MSTO1: variants seen among roughly 807,000 people sequenced by gnomAD.
MSTO1 encodes the protein protein misato homolog 1.
A neutral mutation model predicts 55.7 loss-of-function variants in MSTO1; 24 were observed. The observed-to-expected ratio is 0.43, with a 90% confidence interval of 0.31 to 0.61. MSTO1 has a LOEUF of 0.61. MSTO1 is among the 20% of genes least tolerant of loss of function. MSTO1 has a pLI of 0.09. For missense variants in MSTO1, 363 were observed against 625.7 expected (o/e 0.58, Z 4.48); for synonymous variants, 162 against 252.8 (o/e 0.64, Z 3.41).
the MSTO1 span, among the ~76,000 whole-genome samples, chr1:155,574,803 G>A: frequency 6.6e-6 from 1 of 151,514 alleles, no homozygotes; most frequent in African/African-American, 2.4e-5. Context: ...CCTGGTCTCC[G>A]AAAGTGCTGG....
At chr1:155,590,241 C>G in the MSTO1 span, among the ~76,000 whole-genome samples, 1 of 152,148 alleles carries the variant, frequency 6.6e-6, no homozygotes, top group African/African-American at 2.4e-5. Flanking sequence ...CTAGGGAAAC[C>G]CAGCCCCCAG....
the MSTO1 span, among the ~76,000 whole-genome samples, chr1:155,578,959 G>A: frequency 6.7e-6 from 1 of 149,134 alleles, no homozygotes; most frequent in African/African-American, 2.5e-5. Flanking sequence ...CACTGCACCC[G>A]GCCCATAACT....
In MSTO1 at chr1:155,613,780, G is replaced by A. The variant is rs777455710; in HGVS notation, c.1498+14G>A. 1 of 1,613,296 alleles carries A rather than the reference G, an allele frequency of 6.2e-7. No individual in the cohort carries two copies. The highest frequency in any genetic ancestry group is 8.5e-7 in the Non-Finnish European group (1 of 1,179,570). On this transcript the variant is annotated intron_variant, in intron 13 of 13. Coordinates refer to ENST00000245564, the MANE Select transcript of MSTO1 (RefSeq NM_018116.4). ...CCAAGGGAGCAGGTATGTAGGAGGT[G>A]AAGAAAACTGAGATTTCAAGTATGG...
intron 9 of MSTO1, 54 bp from the exon 10 acceptor site, chr1:155,612,790 A>G: frequency 6.2e-7 from 1 of 1,605,606 alleles, no homozygotes; most frequent in African/African-American, 1.3e-5. Context: ...TTCTGCCTCC[A>G]CACATTCTTT....
the MSTO1 span, among the ~76,000 whole-genome samples, chr1:155,584,569 G>A: frequency 2.0e-5 from 3 of 148,318 alleles, no homozygotes; most frequent in African/African-American, 7.4e-5. Flanking sequence ...TGCTTGGAAG[G>A]CTGAGGCAGG....
upstream of MSTO1, among the ~76,000 whole-genome samples, chr1:155,605,641 G>T (rs1321600842): frequency 6.6e-6 from 1 of 152,054 alleles, no homozygotes; most frequent in African/African-American, 2.4e-5. Context: ...CTACAAAAAA[G>T]GTTTAAAATC....
chr1:155,599,839 G>T, the MSTO1 span, among the ~76,000 whole-genome samples: 36 of 152,224 alleles, frequency 2.4e-4, no homozygotes, highest in Non-Finnish European at 2.2e-4. Flanking sequence ...AGGATTAAGT[G>T]CTGTGCTTTT....
rs765363273 is a variant in MSTO1, at chr1:155,612,409, C to A, written c.814-9C>A. ...AGCTGCTTAATACAAACTACTCTTT[C>A]TTCACCAGGAGGCCCAGAGAAACAT... is the stretch of plus-strand genomic sequence containing the variant. On this transcript the variant is annotated splice_polypyrimidine_tract_variant and intron_variant, in intron 8 of 13. Coordinates refer to ENST00000245564, the MANE Select transcript of MSTO1 (RefSeq NM_018116.4). 1.2e-6 allele frequency: 2 copies of A among 1,608,070 alleles called. No individual in the cohort carries two copies. The highest frequency in any genetic ancestry group is 2.7e-5 in the African/African-American group (2 of 74,682).
chr1:155,588,278 C>T, the MSTO1 span, among the ~76,000 whole-genome samples: 3 of 151,144 alleles, frequency 2.0e-5, no homozygotes, highest in African/African-American at 7.3e-5. Flanking sequence ...CAAAATTGTA[C>T]GTGAAAAAGA....
At chr1:155,592,473 TATTTCCCAAGC>T in the MSTO1 span, among the ~76,000 whole-genome samples, 1 of 152,224 alleles carries the variant, frequency 6.6e-6, no homozygotes, top group Non-Finnish European at 1.5e-5. Context: ...GATATTTGGA[TATTTCCCAAGC>T]ATTGCTGCTT....
chr1:155,606,197 C>CATTTTT (rs1558242399), upstream of MSTO1, among the ~76,000 whole-genome samples: 2 of 53,278 alleles, frequency 3.8e-5, no homozygotes, highest in African/African-American at 1.4e-4. Flanking sequence ...CCATGCCCAG[C>CATTTTT]CTTTTTTTTT....
upstream of MSTO1, among the ~76,000 whole-genome samples, chr1:155,609,243 A>ATATATATATATATTT (rs59756178): frequency 5.7e-4 from 31 of 54,560 alleles, no homozygotes; most frequent in East Asian, 3.7e-3. Flanking sequence ...ATATATATAT[A>ATATATATATATATTT]TTTTTTTTTT....
chr1:155,590,756 C>G, the MSTO1 span: 5 of 1,602,348 alleles, frequency 3.1e-6, no homozygotes, highest in Non-Finnish European at 4.3e-6. Flanking sequence ...AGGCCTGAGG[C>G]CGCCCAGCCC....
At chr1:155,598,827 A>T in the MSTO1 span, 1 of 1,342,666 alleles carries the variant, frequency 7.4e-7, no homozygotes. Context: ...TTTTAGATGG[A>T]GAGAAGGGAA....
chr1:155,609,470 G>T (rs546328336), upstream of MSTO1, among the ~76,000 whole-genome samples: 2 of 149,284 alleles, frequency 1.3e-5, no homozygotes, highest in African/African-American at 4.9e-5. Context: ...GGATGGTCTC[G>T]ATCTCTTGAC....
chr1:155,574,384 C>T, the MSTO1 span, among the ~76,000 whole-genome samples: 2 of 151,946 alleles, frequency 1.3e-5, no homozygotes, highest in Non-Finnish European at 2.9e-5. Flanking sequence ...CTGAGGAAAT[C>T]CAAATAAAAT....
rs150529804 is a variant in MSTO1, at chr1:155,611,247, C to T, written c.322C>T (p.Leu108Phe). The change falls in exon 4 of 14, where the codon CTC (leucine) becomes TTC (phenylalanine). Residue 108 changes from leucine (L) to phenylalanine (F), a missense_variant. Transcript: ENST00000245564. ...GAAGCTCACCACACACAAAGAGGAACTCTATCCCAAGAACCCTTATCTCCA... is the reference window on the plus strand; with the variant it reads ...GAAGCTCACCACACACAAAGAGGAATTCTATCCCAAGAACCCTTATCTCCA... ...QGKLTTHKEELYPKNPYLQDF... is the reference protein window; with the variant it reads ...QGKLTTHKEEFYPKNPYLQDF... The T allele has an allele frequency of 1.0e-3, 1,632 of 1,610,300 alleles. 20 individuals are homozygous for T. In the African/African-American group the frequency reaches 0.02, roughly 20 times the overall value.
the MSTO1 span, among the ~76,000 whole-genome samples, chr1:155,572,094 G>A: frequency 6.6e-6 from 1 of 151,902 alleles, no homozygotes; most frequent in African/African-American, 2.4e-5. Flanking sequence ...TTTTCCTATG[G>A]GACTTGGGAT....
At chr1:155,607,870 G>A (rs1452653972), upstream of MSTO1, among the ~76,000 whole-genome samples, 1 of 152,228 alleles carries the variant, frequency 6.6e-6, no homozygotes, top group Non-Finnish European at 1.5e-5. Context: ...AGTGGCCTAT[G>A]CCTGTAATTG....
Sources: gnomAD v4.1 joint callset for allele counts (sites outside exome capture counted in the v4.1 genomes callset) on GRCh38, gnomAD v4.1.1 for gene constraint, MANE v1.5 for transcripts, NCBI Gene and HGNC (gene_info 2026-07-23, HGNC 2026-07-21) for gene names.